The following GLYATL1 variants were observed in gnomAD, a reference collection of about 807,000 sequenced individuals.
GLYATL1 encodes the protein glycine-N-acyltransferase like 1.
GLYATL1 carries 15 observed loss-of-function variants against 20.0 expected under a neutral mutation model. The observed-to-expected ratio is 0.75, with a 90% CI of 0.50 to 1.15. GLYATL1 has a LOEUF of 1.15. Among genes scored for constraint, GLYATL1 ranks in the 50% most tolerant of loss-of-function variants. The pLI is 0.00. For missense variants in GLYATL1, 380 were observed against 368.5 expected, an observed-to-expected ratio of 1.03 and a Z score of -0.26; for synonymous variants, 151 against 131.5, an observed-to-expected ratio of 1.15 and a Z score of -1.01.
chr11:58,919,404 C>A (rs1344990119), intron 1 of GLYATL1, among the ~76,000 whole-genome samples: 1 of 152,184 alleles, frequency 6.6e-6, no homozygotes, highest in Non-Finnish European at 1.5e-5. Flanking sequence ...GTGTCCAGTT[C>A]ATGTGCTCCA....
chr11:58,922,588 G>A (rs1389942969), intron 1 of GLYATL1, among the ~76,000 whole-genome samples: 2 of 152,122 alleles, frequency 1.3e-5, no homozygotes, highest in Non-Finnish European at 2.9e-5. Flanking sequence ...ATCCATTTGA[G>A]CTTGACTCCT....
chr11:58,955,480 T>C (rs1857332625), intron 6 of GLYATL1, 127 bp downstream of exon 6: 1 of 1,384,174 alleles, frequency 7.2e-7, no homozygotes, highest in African/African-American at 1.5e-5. Flanking sequence ...TTGTCAAAGT[T>C]CAAGATCCAA....
Position 58,947,094 on chromosome 11 carries a change from C to A in GLYATL1, c.7C>A (p.Leu3Ile). The part of the protein sequence containing the change: MI[L>I]LNNSHKLLAL... The stretch of plus-strand genomic sequence containing the variant: ...GTCTGAAGCATCCCACAGAATGATC[C>A]TACTGAATAACTCCCATAAGCTGCT... Residue 3 changes from leucine to isoleucine, a missense_variant, in exon 3 of 7, where the codon CTA becomes ATA. By Grantham distance (5) the Leu-to-Ile change is conservative (BLOSUM62 2). Transcript: ENST00000532726. 6.2e-7 allele frequency: 1 copy of A among 1,613,896 alleles called. No individual in the cohort carries two copies. The highest frequency in any genetic ancestry group is 8.5e-7 in the Non-Finnish European group (1 of 1,179,804).
chr11:58,948,921 G>A (rs1856777526), intron 4 of GLYATL1, among the ~76,000 whole-genome samples: 1 of 152,170 alleles, frequency 6.6e-6, no homozygotes, highest in Non-Finnish European at 1.5e-5. Context: ...ATAACCATAG[G>A]CACTTCTGTG....
chr11:58,907,441 C>T, exon 2 of GLYATL1: 1 of 450,082 alleles, frequency 2.2e-6, no homozygotes, highest in Admixed American at 2.4e-5. Context: ...ATGTCTAGTT[C>T]CTTGCAAACC....
At chr11:58,905,962 A>G (rs1160262642) in intron 1 of GLYATL1, among the ~76,000 whole-genome samples, 1 of 152,190 alleles carries the variant, frequency 6.6e-6, no homozygotes, top group Non-Finnish European at 1.5e-5. Flanking sequence ...CGAGAGTGTC[A>G]ATTCCCAGGC....
At chr11:58,930,436 A>C (rs762120966) in intron 1 of GLYATL1, among the ~76,000 whole-genome samples, 28 of 152,218 alleles carry the variant, frequency 1.8e-4, no homozygotes, top group Non-Finnish European at 3.7e-4. Context: ...AAAAGAAGGG[A>C]ACAAAGCATA....
At chr11:58,944,097 A>G (rs908912020) in intron 2 of GLYATL1, among the ~76,000 whole-genome samples, 2 of 152,168 alleles carry the variant, frequency 1.3e-5, no homozygotes, top group African/African-American at 4.8e-5. Context: ...TGGCTTATAC[A>G]TTAGGACTGT....
At chr11:58,952,893 A>G (rs1857096004) in intron 4 of GLYATL1, among the ~76,000 whole-genome samples, 1 of 152,248 alleles carries the variant, frequency 6.6e-6, no homozygotes, top group South Asian at 2.1e-4. Context: ...AAATTAAAAC[A>G]GAGTTGCCAT....
rs1259848084 is a variant in GLYATL1 at position 58,907,181 on chromosome 11, T to C, written n.239-60T>C. ...CTCTGATCAGTACACAGTTGAATAC[T>C]TTAGGGGAAACCTCTTCATATATCC... On this transcript the variant is annotated intron_variant and non_coding_transcript_variant, in intron 1 of 1. Transcript: ENST00000524629. 3.3e-5 allele frequency: 15 copies of C among 452,354 alleles called. No homozygotes were observed. In the East Asian group the frequency reaches 1.0e-3, roughly 31 times the overall value. 28.0% of individuals were successfully genotyped at this position (452,354 alleles called of 1,614,324 possible).
exon 2 of GLYATL1, chr11:58,907,848 G>A (rs1182211724): frequency 1.2e-5 from 2 of 164,506 alleles, no homozygotes; most frequent in African/African-American, 2.4e-5. Context: ...CCAGAACAAG[G>A]GCTAATGTTG....
At chr11:58,928,391 T>C (rs1237267192) in intron 1 of GLYATL1, 1 of 152,216 alleles carries the variant, frequency 6.6e-6, no homozygotes, top group Non-Finnish European at 1.5e-5. Flanking sequence ...TCCTCAGGCT[T>C]CCTTTGCAGC....
intron 1 of GLYATL1, among the ~76,000 whole-genome samples, chr11:58,932,860 G>A (rs1855662971): frequency 1.3e-5 from 2 of 152,216 alleles, no homozygotes; most frequent in African/African-American, 4.8e-5. Context: ...ATGAGAAAGG[G>A]AGATAAGATG....
downstream of GLYATL1, among the ~76,000 whole-genome samples, chr11:58,909,226 G>A (rs1854981053): frequency 6.6e-6 from 1 of 152,206 alleles, no homozygotes; most frequent in Admixed American, 6.5e-5. Flanking sequence ...AGAAGTGGTT[G>A]TCAGGGGCTG....
chr11:58,940,453 T>A (rs1856058199), intron 1 of GLYATL1, among the ~76,000 whole-genome samples: 1 of 152,144 alleles, frequency 6.6e-6, no homozygotes. Flanking sequence ...TGTCTTTGGG[T>A]GTATGTATGT....
chr11:58,909,208 A>G (rs549698612), downstream of GLYATL1, among the ~76,000 whole-genome samples: 1 of 152,320 alleles, frequency 6.6e-6, no homozygotes, highest in African/African-American at 2.4e-5. Context: ...TGTCAAACTC[A>G]TAGATGTAGA....
At chr11:58,945,174 A>G (rs1856477374) in intron 2 of GLYATL1, among the ~76,000 whole-genome samples, 2 of 151,894 alleles carry the variant, frequency 1.3e-5, no homozygotes, top group Admixed American at 1.3e-4. Context: ...ATGAATGTAT[A>G]CAATACCGCT....
At chr11:58,947,218 A>C (rs1856634609) in intron 3 of GLYATL1, 53 bp downstream of exon 3, 3 of 1,579,488 alleles carry the variant, frequency 1.9e-6, no homozygotes, top group South Asian at 1.1e-5. Flanking sequence ...TGAGGATGAG[A>C]AAATAGCAGG....
At chr11:58,907,768 C>A (rs769104882) in exon 2 of GLYATL1, 2 of 197,240 alleles carry the variant, frequency 1.0e-5, no homozygotes, top group Non-Finnish European at 2.1e-5. Flanking sequence ...GAGCTTTGTT[C>A]CAGTACGTTG....
Sources: gnomAD v4.1 joint callset for allele counts (sites outside exome capture counted in the v4.1 genomes callset) on GRCh38, gnomAD v4.1.1 for gene constraint, MANE v1.5 for transcripts, NCBI Gene and HGNC (gene_info 2026-07-23, HGNC 2026-07-21) for gene names.